TMC1: variants seen among roughly 807,000 people sequenced by gnomAD.
TMC1 encodes the protein transmembrane channel like 1.
A neutral mutation model predicts 105.8 loss-of-function variants in TMC1; 84 were observed. That is an observed-to-expected ratio of 0.79 (90% CI 0.67 to 0.95). TMC1 has a LOEUF of 0.95. Ranked by LOEUF, TMC1 falls within the 40% of genes least tolerant of loss-of-function variation. TMC1 has a pLI of 0.00. For synonymous variants in TMC1, 315 were observed against 311.5 expected (o/e 1.01, Z -0.12); for missense variants, 817 against 914.1 (o/e 0.89, Z 1.37).
In TMC1 at chr9:72,756,933, G is replaced by T. The variant is rs536065148; in HGVS notation, c.741+2049G>T. 2.0e-5 allele frequency among the ~76,000 whole-genome samples: 3 copies of T among 152,272 alleles called. No homozygotes were observed. In the South Asian group the frequency reaches 6.2e-4, roughly 32 times the overall value. ...AAATTCAGGGGAAAGTAGAGGGAAA[G>T]GGTTTGGATGATGAGTGTGCTTCCC... On this transcript the variant is annotated intron_variant, in intron 12 of 23. Coordinates refer to ENST00000297784, the MANE Select transcript of TMC1 (RefSeq NM_138691.3).
chr9:72,592,602 C>T (rs1257988180), intron 2 of TMC1, among the ~76,000 whole-genome samples: 3 of 152,170 alleles, frequency 2.0e-5, no homozygotes, highest in South Asian at 2.1e-4. Flanking sequence ...AGCAGGTGTG[C>T]GTGTTTCCTT....
chr9:72,794,548 A>C (rs932276919), intron 17 of TMC1, among the ~76,000 whole-genome samples: 1 of 152,176 alleles, frequency 6.6e-6, no homozygotes, highest in Admixed American at 6.5e-5. Flanking sequence ...GAAACCAAAG[A>C]CAAGTACTCA....
intron 2 of TMC1, among the ~76,000 whole-genome samples, chr9:72,614,742 G>A (rs1239985088): frequency 6.6e-6 from 1 of 152,102 alleles, no homozygotes; most frequent in Non-Finnish European, 1.5e-5. Context: ...ATGCAGTGGC[G>A]TGATCTCGGT....
At chr9:72,666,437 G>A (rs1017134363) in intron 5 of TMC1, among the ~76,000 whole-genome samples, 1 of 152,080 alleles carries the variant, frequency 6.6e-6, no homozygotes, top group African/African-American at 2.4e-5. Flanking sequence ...CTTCTTCTTT[G>A]TGACTTTGCT....
At chr9:72,594,184 T>C (rs959673795) in intron 2 of TMC1, among the ~76,000 whole-genome samples, 30 of 152,290 alleles carry the variant, frequency 2.0e-4, no homozygotes, top group African/African-American at 7.0e-4. Context: ...GAGACCCTCA[T>C]GAGACAGCAG....
chr9:72,762,515 G>T (rs150128737), intron 12 of TMC1, among the ~76,000 whole-genome samples: 3 of 152,126 alleles, frequency 2.0e-5, no homozygotes, highest in African/African-American at 7.2e-5. Context: ...CACATCCATC[G>T]TCTGGGCCTA....
At chr9:72,691,544 C>T (rs917166391) in intron 6 of TMC1, among the ~76,000 whole-genome samples, 2 of 152,134 alleles carry the variant, frequency 1.3e-5, no homozygotes, top group African/African-American at 4.8e-5. Context: ...CGTCTCTGGA[C>T]TTGTGTGTGT....
At chr9:72,660,982 C>T (rs1023155301) in intron 5 of TMC1, among the ~76,000 whole-genome samples, 1 of 152,124 alleles carries the variant, frequency 6.6e-6, no homozygotes, top group African/African-American at 2.4e-5. Flanking sequence ...AACCCTGTCT[C>T]TACCAGAAAA....
chr9:72,585,220 G>A (rs1289444533), intron 2 of TMC1, among the ~76,000 whole-genome samples: 1 of 147,914 alleles, frequency 6.8e-6, no homozygotes, highest in East Asian at 2.0e-4. Flanking sequence ...GCGCGATCTT[G>A]GCTCACTGCA....
chr9:72,816,759 A>AT (rs762688693), intron 19 of TMC1, among the ~76,000 whole-genome samples: 214 of 151,974 alleles, frequency 1.4e-3, no homozygotes, highest in Non-Finnish European at 2.2e-3. Context: ...CATCAGAATT[A>AT]TTTTTTTTGA....
At chr9:72,710,769 T>A (rs575870514) in intron 8 of TMC1, among the ~76,000 whole-genome samples, 7 of 152,290 alleles carry the variant, frequency 4.6e-5, no homozygotes, top group Admixed American at 1.3e-4. Context: ...AGACAGCAGA[T>A]ACTTAGTTGG....
At chr9:72,634,714 TA>T (rs1287096432) in intron 4 of TMC1, among the ~76,000 whole-genome samples, 1 of 152,182 alleles carries the variant, frequency 6.6e-6, no homozygotes, top group Admixed American at 6.5e-5. Context: ...TGGGTGGAGA[TA>T]AATTAAAGGT....
chr9:72,530,515 G>C (rs1200056666), intron 1 of TMC1, among the ~76,000 whole-genome samples: 1 of 151,846 alleles, frequency 6.6e-6, no homozygotes, highest in Non-Finnish European at 1.5e-5. Flanking sequence ...GCTTGAACCC[G>C]GGAGGTGGAG....
At chr9:72,652,621 C>T (rs981533092) in intron 5 of TMC1, among the ~76,000 whole-genome samples, 6 of 152,106 alleles carry the variant, frequency 3.9e-5, no homozygotes, top group Non-Finnish European at 2.9e-5. Flanking sequence ...ACCCGGGGAA[C>T]GTCTGTAAAA....
At chr9:72,746,246 T>G (rs550581884) in intron 10 of TMC1, among the ~76,000 whole-genome samples, 1 of 152,300 alleles carries the variant, frequency 6.6e-6, no homozygotes, top group Non-Finnish European at 1.5e-5. Flanking sequence ...AATATATATC[T>G]TATTTAATCC....
intron 1 of TMC1, among the ~76,000 whole-genome samples, chr9:72,527,665 T>C (rs1176133729): frequency 3.9e-5 from 6 of 152,148 alleles, no homozygotes. Flanking sequence ...AGATTCTGTT[T>C]CCCTGCGACC....
At position 72,837,859 on chromosome 9, in the gene TMC1, T is replaced by C. The variant is rs1304911948; in HGVS notation, c.*1886T>C. On this transcript the variant is annotated 3_prime_UTR_variant, in exon 24 of 24. Transcript: ENST00000297784. Reference sequence around the variant, plus strand: ...GTTCTAAACTTTATTCCTCTGGTTGTCTTTTTCAGATTGACTTCCATTCTC... The same window carrying C: ...GTTCTAAACTTTATTCCTCTGGTTGCCTTTTTCAGATTGACTTCCATTCTC... 6.6e-5 allele frequency: 10 copies of C among 152,230 alleles called. No homozygotes were observed. Among genetic ancestry groups the C allele is most frequent in the Admixed American group, 6.5e-4 (10 of 15,282 alleles). 9.4% of individuals were successfully genotyped at this position (152,230 alleles called of 1,614,324 possible). A position where few individuals can be genotyped will look rare whatever the true frequency, so the allele number is the denominator to read the frequency against.
intron 3 of TMC1, among the ~76,000 whole-genome samples, chr9:72,627,427 T>C (rs1443959769): frequency 1.3e-5 from 2 of 152,104 alleles, no homozygotes; most frequent in Non-Finnish European, 2.9e-5. Context: ...ATTTCTCTAG[T>C]TCCATCCACA....
At chr9:72,752,829 T>C (rs1055477875) in intron 11 of TMC1, among the ~76,000 whole-genome samples, 4 of 152,198 alleles carry the variant, frequency 2.6e-5, no homozygotes, top group Non-Finnish European at 5.9e-5. Flanking sequence ...TGCCAGTTTC[T>C]ATACTAAGAC....
Sources: gnomAD v4.1 joint callset for allele counts (sites outside exome capture counted in the v4.1 genomes callset) on GRCh38, gnomAD v4.1.1 for gene constraint, MANE v1.5 for transcripts, NCBI Gene and HGNC (gene_info 2026-07-23, HGNC 2026-07-21) for gene names.